The following GRID2 variants were observed in gnomAD, a reference collection of about 807,000 sequenced individuals.
GRID2 encodes glutamate receptor ionotropic, delta-2.
Under a neutral mutation model 114.8 loss-of-function variants are expected in GRID2, and 33 were observed. That is an observed-to-expected ratio of 0.29 (90% confidence interval 0.22 to 0.38). The LOEUF (loss-of-function observed/expected upper bound fraction) is 0.38, where lower values mean the gene tolerates loss of function less well. Among genes scored for constraint, GRID2 ranks in the 10% least tolerant of loss-of-function variants. The pLI is 1.00. For synonymous variants in GRID2, 505 were observed against 449.9 expected (o/e 1.12, Z -1.55); for missense variants, 1,184 against 1,257.7 (o/e 0.94, Z 0.89).
chr4:93,514,593 C>T (rs1729523614), intron 12 of GRID2, among the ~76,000 whole-genome samples: 1 of 152,128 alleles, frequency 6.6e-6, no homozygotes, highest in African/African-American at 2.4e-5. Context: ...CTATGACACA[C>T]TGATCAAGTC....
chr4:92,460,053 T>TATATAC lies in GRID2; in HGVS notation c.89-130077_89-130076insTATACA, dbSNP rs1032538170. 4.0e-5 allele frequency among the ~76,000 whole-genome samples: 4 copies of TATATAC among 99,794 alleles called. 1 individual carries two copies. The highest frequency in any genetic ancestry group is 7.8e-5 in the African/African-American group (2 of 25,596). 65.5% of individuals were successfully genotyped at this position (99,794 alleles called of 152,430 possible). On this transcript the variant is annotated intron_variant, in intron 1 of 15. Coordinates refer to ENST00000282020, the MANE Select transcript of GRID2 (RefSeq NM_001510.4). ...CTCACTATATATATATATATATATATACACACACAACTTTTTGGTTCTGTT... is the reference window on the plus strand; with the variant it reads ...CTCACTATATATATATATATATATATATATACACACACACAACTTTTTGGTTCTGTT...
intron 4 of GRID2, among the ~76,000 whole-genome samples, chr4:93,153,563 G>A (rs890612609): frequency 2.0e-5 from 3 of 152,010 alleles, no homozygotes; most frequent in African/African-American, 4.8e-5. Flanking sequence ...AGTTCTAGCC[G>A]ATGTGCTATG....
At chr4:92,623,094 A>T (rs1281503528) in intron 2 of GRID2, among the ~76,000 whole-genome samples, 1 of 151,734 alleles carries the variant, frequency 6.6e-6, no homozygotes, top group Non-Finnish European at 1.5e-5. Flanking sequence ...TAAAAAACTA[A>T]TAAAATTTCA....
At chr4:93,058,223 T>G (rs1342190636) in intron 2 of GRID2, among the ~76,000 whole-genome samples, 1 of 151,958 alleles carries the variant, frequency 6.6e-6, no homozygotes, top group East Asian at 1.9e-4. Context: ...TCTCAAGCAC[T>G]CTTAATACAG....
At chr4:93,106,278 A>T (rs1035015888) in intron 3 of GRID2, among the ~76,000 whole-genome samples, 15 of 152,198 alleles carry the variant, frequency 9.9e-5, no homozygotes, top group Admixed American at 9.8e-4. Flanking sequence ...CATACAGATA[A>T]TGTGGCTGAA....
At chr4:93,669,254 T>G (rs1724198966) in intron 14 of GRID2, among the ~76,000 whole-genome samples, 1 of 152,062 alleles carries the variant, frequency 6.6e-6, no homozygotes, top group African/African-American at 2.4e-5. Context: ...GTGTTTATGA[T>G]GGAATTGCAT....
intron 1 of GRID2, among the ~76,000 whole-genome samples, chr4:92,412,763 C>G (rs185098237): frequency 2.0e-3 from 299 of 152,308 alleles, no homozygotes; most frequent in African/African-American, 7.0e-3. Context: ...GAATTGCTTA[C>G]AGGTCACCAA....
intron 8 of GRID2, among the ~76,000 whole-genome samples, chr4:93,275,004 A>G (rs1042814760): frequency 6.6e-6 from 1 of 152,004 alleles, no homozygotes; most frequent in East Asian, 1.9e-4. Flanking sequence ...CCTCAGGGCT[A>G]TCTATTTTAA....
intron 14 of GRID2, among the ~76,000 whole-genome samples, chr4:93,668,482 A>AGCAAATATG (rs1201906830): frequency 1.3e-5 from 2 of 151,956 alleles, no homozygotes; most frequent in Middle Eastern, 3.2e-3. Context: ...AATTTATTTC[A>AGCAAATATG]GCAAATATGC....
chr4:92,880,922 G>A (rs7678650), intron 2 of GRID2, among the ~76,000 whole-genome samples: 47,203 of 151,334 alleles, frequency 0.31, 7,697 homozygotes, highest in Admixed American at 0.45. Context: ...TTTAGCTTGA[G>A]ACTGAGTCTC....
chr4:92,574,912 T>C (rs540048393), intron 1 of GRID2, among the ~76,000 whole-genome samples: 1 of 152,294 alleles, frequency 6.6e-6, no homozygotes, highest in Non-Finnish European at 1.5e-5. Flanking sequence ...TCTAGAAGTA[T>C]GTTTGTTAAA....
At chr4:93,466,515 A>C (rs1406182508) in intron 11 of GRID2, among the ~76,000 whole-genome samples, 1 of 152,188 alleles carries the variant, frequency 6.6e-6, no homozygotes, top group African/African-American at 2.4e-5. Context: ...TTTTAACTGC[A>C]TGCAGATTAG....
chr4:93,028,027 C>G (rs779441427), intron 2 of GRID2, among the ~76,000 whole-genome samples: 21 of 152,088 alleles, frequency 1.4e-4, no homozygotes, highest in Non-Finnish European at 2.8e-4. Flanking sequence ...CTAATTCACA[C>G]TTGGAAATGT....
At chr4:93,018,838 T>C (rs1723014344) in intron 2 of GRID2, among the ~76,000 whole-genome samples, 1 of 152,084 alleles carries the variant, frequency 6.6e-6, no homozygotes, top group African/African-American at 2.4e-5. Context: ...TAGTAACTTG[T>C]AGGAGCACAT....
At chr4:92,594,015 C>T (rs11934085) in intron 2 of GRID2, among the ~76,000 whole-genome samples, 16,822 of 151,306 alleles carry the variant, frequency 0.11, 1,266 homozygotes, top group African/African-American at 0.21. Flanking sequence ...AATATTTTCA[C>T]AATTTAGATG....
intron 2 of GRID2, among the ~76,000 whole-genome samples, chr4:92,597,149 TCA>T (rs1372114819): frequency 9.2e-5 from 14 of 152,174 alleles, no homozygotes; most frequent in South Asian, 6.2e-4. Context: ...TTTAATTGAC[TCA>T]CAGTTCCACA....
chr4:93,423,105 G>T, intron 10 of GRID2, 137 bp downstream of exon 10: 1 of 631,566 alleles, frequency 1.6e-6, no homozygotes, highest in Non-Finnish European at 2.8e-6. Flanking sequence ...TAAGCATTAG[G>T]TGGTGGAATT....
intron 1 of GRID2, among the ~76,000 whole-genome samples, chr4:92,362,874 T>A (rs191844070): frequency 1.3e-5 from 2 of 152,024 alleles, no homozygotes; most frequent in African/African-American, 2.4e-5. Context: ...ATCACAGCCC[T>A]GTGTAGTAGA....
intron 2 of GRID2, among the ~76,000 whole-genome samples, chr4:92,778,215 T>C (rs987831817): frequency 8.5e-5 from 13 of 152,050 alleles, no homozygotes; most frequent in African/African-American, 3.1e-4. Context: ...TACTTGATCC[T>C]CATTTATACC....
Sources: gnomAD v4.1 joint callset for allele counts (sites outside exome capture counted in the v4.1 genomes callset) on GRCh38, gnomAD v4.1.1 for gene constraint, MANE v1.5 for transcripts, NCBI Gene and HGNC (gene_info 2026-07-23, HGNC 2026-07-21) for gene names.